Variants in MYH15 observed in about 807,000 individuals in gnomAD.
MYH15 encodes the protein myosin-15.
A neutral mutation model predicts 240.5 loss-of-function variants in MYH15; 227 were observed. The observed-to-expected ratio is 0.94, with a 90% confidence interval of 0.85 to 1.05. The LOEUF is 1.05. Among genes scored for constraint, MYH15 ranks in the 50% least tolerant of loss-of-function variants. MYH15 has a pLI of 0.00. For missense variants in MYH15, 2,217 were observed against 2,247.5 expected (o/e 0.99, Z 0.27); for synonymous variants, 785 against 796.7 (o/e 0.99, Z 0.25).
chr3:108,536,212 C>T, the MYH15 span, among the ~76,000 whole-genome samples: 1,205 of 152,182 alleles, frequency 7.9e-3, 19 homozygotes, highest in African/African-American at 0.028. Flanking sequence ...TTGCAGCCAG[C>T]CAAGATTGTG....
At chr3:108,537,098 G>C in the MYH15 span, among the ~76,000 whole-genome samples, 5 of 152,212 alleles carry the variant, frequency 3.3e-5, no homozygotes, top group African/African-American at 1.2e-4. Context: ...TTGCCAATTT[G>C]AGAAATCCAC....
intron 12 of MYH15, among the ~76,000 whole-genome samples, chr3:108,476,130 A>C (rs180963114): frequency 6.6e-6 from 1 of 152,318 alleles, no homozygotes; most frequent in Non-Finnish European, 1.5e-5. Context: ...TGTTGATCAC[A>C]ACAAGTGGAG....
chr3:108,468,122 C>T (rs1018669867), intron 14 of MYH15, among the ~76,000 whole-genome samples: 4 of 152,116 alleles, frequency 2.6e-5, no homozygotes, highest in African/African-American at 4.8e-5. Flanking sequence ...TGCGCCACCA[C>T]ATCTGGCTAA....
intron 32 of MYH15, among the ~76,000 whole-genome samples, chr3:108,407,285 T>A (rs2082553979): frequency 6.6e-6 from 1 of 152,214 alleles, no homozygotes; most frequent in Non-Finnish European, 1.5e-5. Flanking sequence ...TCCATCGCCA[T>A]ACCTTCCAAG....
chr3:108,422,993 T>C (rs1287657082), intron 27 of MYH15, among the ~76,000 whole-genome samples: 1 of 152,168 alleles, frequency 6.6e-6, no homozygotes, highest in Non-Finnish European at 1.5e-5. Context: ...AAAGATGGGG[T>C]TCTTTGTCCC....
chr3:108,417,987 T>C (rs1003064486), intron 28 of MYH15, among the ~76,000 whole-genome samples: 1 of 152,228 alleles, frequency 6.6e-6, no homozygotes, highest in African/African-American at 2.4e-5. Flanking sequence ...AACCTAATGA[T>C]GGCATATACA....
intron 22 of MYH15, among the ~76,000 whole-genome samples, chr3:108,443,693 T>C (rs1045663319): frequency 2.6e-5 from 4 of 151,852 alleles, no homozygotes; most frequent in Non-Finnish European, 4.4e-5. Context: ...AATCTAAAAA[T>C]GTATGTATTA....
intron 35 of MYH15, 124 bp downstream of exon 35, chr3:108,398,513 T>TG: frequency 1.1e-6 from 1 of 922,954 alleles, no homozygotes; most frequent in Non-Finnish European, 1.8e-6. Flanking sequence ...TGAACATGCC[T>TG]TGCTTCACAG....
Position 108,510,136 on chromosome 3 carries a change from G to T in MYH15, c.88+307C>A, listed in dbSNP as rs572203834. ...CTAAGAGGTTTCTAGGAAAGGCTTT[G>T]TCTGGCCATTCCTGCAGGTGTCTGT... On this transcript the variant is annotated intron_variant, in intron 1 of 40. Coordinates refer to ENST00000693548, the MANE Select transcript of MYH15 (RefSeq NM_014981.3). Among the ~76,000 whole-genome samples, 55 of 152,244 alleles carry T rather than the reference G, an allele frequency of 3.6e-4. 1 individual carries two copies. In the South Asian group the frequency reaches 0.011, roughly 29 times the overall value.
At chr3:108,447,022 G>A (rs2082933999) in intron 21 of MYH15, among the ~76,000 whole-genome samples, 1 of 151,954 alleles carries the variant, frequency 6.6e-6, no homozygotes, top group South Asian at 2.1e-4. Context: ...GTTCAACAAG[G>A]AAATAAAAAC....
intron 12 of MYH15, among the ~76,000 whole-genome samples, chr3:108,471,598 T>G (rs1219719087): frequency 6.6e-6 from 1 of 152,166 alleles, no homozygotes; most frequent in Middle Eastern, 3.2e-3. Context: ...TTGGCCTGCC[T>G]TTAGCAAGAA....
intron 38 of MYH15, 124 bp from the exon 39 acceptor site, chr3:108,384,906 T>A: frequency 1.2e-6 from 1 of 803,554 alleles, no homozygotes; most frequent in South Asian, 1.8e-5. Flanking sequence ...AGTTGTGATT[T>A]TAACAATGGG....
chr3:108,437,533 G>A, intron 25 of MYH15, 21 bp downstream of exon 25: 1 of 1,607,044 alleles, frequency 6.2e-7, no homozygotes, highest in Non-Finnish European at 8.5e-7. Flanking sequence ...GCAATCTCAT[G>A]TCAACAGAAA....
chr3:108,414,323 T>C lies in MYH15; in HGVS notation c.4054A>G (p.Thr1352Ala). The change falls in exon 30 of 41, where the codon ACC (threonine) becomes GCC (alanine). Residue 1352 changes from threonine to alanine, a missense_variant. Thr to Ala is a moderately conservative substitution (Grantham distance 58, BLOSUM62 0). Coordinates refer to ENST00000693548, the MANE Select transcript of MYH15 (RefSeq NM_014981.3). ...EQEVKAELHRTLSKVNAEMVQ... is the reference protein window; with the variant it reads ...EQEVKAELHRALSKVNAEMVQ... ...ATTTCAGCATTGACTTTGGATAAGG[T>C]CCGGTGCAGCTCAGCCTTGACCTCT... 1 of 1,614,148 alleles carries C rather than the reference T, an allele frequency of 6.2e-7. No individual in the cohort carries two copies. The highest frequency in any genetic ancestry group is 8.5e-7 in the Non-Finnish European group (1 of 1,180,012).
chr3:108,399,401 G>T (rs1337818846), intron 33 of MYH15, 134 bp from the exon 34 acceptor site: 2 of 734,786 alleles, frequency 2.7e-6, no homozygotes, highest in Non-Finnish European at 2.2e-6. Context: ...CTAACAAAAT[G>T]AGTCTAAGTG....
rs539070252 is a variant in MYH15, at chr3:108,455,226, A to G, written c.2262+510T>C. Among the ~76,000 whole-genome samples the G allele has an allele frequency of 2.9e-4, 44 of 152,368 alleles. No homozygotes were observed. The South Asian group carries it at 9.1e-3, about 32-fold the overall frequency. Reference sequence around the variant, plus strand: ...TTCCCAAAATATGTGAGTCATGCCAATATCATCTAAGATGAAGTAGAATTT... The same window carrying G: ...TTCCCAAAATATGTGAGTCATGCCAGTATCATCTAAGATGAAGTAGAATTT... On this transcript the variant is annotated intron_variant, in intron 20 of 40. Coordinates refer to ENST00000693548, the MANE Select transcript of MYH15 (RefSeq NM_014981.3).
the MYH15 span, among the ~76,000 whole-genome samples, chr3:108,538,005 T>A: frequency 6.6e-6 from 1 of 152,180 alleles, no homozygotes; most frequent in Non-Finnish European, 1.5e-5. Context: ...TTGTTCCTTG[T>A]GGGATGATCC....
chr3:108,411,242 G>C (rs1487981510), intron 30 of MYH15, among the ~76,000 whole-genome samples: 1 of 152,174 alleles, frequency 6.6e-6, no homozygotes, highest in Non-Finnish European at 1.5e-5. Context: ...ATACTGACTT[G>C]ATTATTTCCT....
chr3:108,542,589 G>C, the MYH15 span, among the ~76,000 whole-genome samples: 37 of 152,146 alleles, frequency 2.4e-4, no homozygotes, highest in African/African-American at 7.5e-4. Flanking sequence ...CCGGATACAT[G>C]TGCAGGTTTC....
Sources: gnomAD v4.1 joint callset for allele counts (sites outside exome capture counted in the v4.1 genomes callset) on GRCh38, gnomAD v4.1.1 for gene constraint, MANE v1.5 for transcripts, NCBI Gene and HGNC (gene_info 2026-07-23, HGNC 2026-07-21) for gene names.